CNTN4: variants seen among roughly 807,000 people sequenced by gnomAD.
The protein encoded by CNTN4 is contactin-4.
Under a neutral mutation model 122.5 loss-of-function variants are expected in CNTN4, and 77 were observed. The observed-to-expected ratio is 0.63, with a 90% CI of 0.52 to 0.76. The LOEUF is 0.76. Among genes scored for constraint, CNTN4 ranks in the 30% least tolerant of loss-of-function variants. The pLI is 0.00. For missense variants in CNTN4, 1,256 were observed against 1,259.1 expected (o/e 1.00, Z 0.04); for synonymous variants, 512 against 447.0 (o/e 1.15, Z -1.83).
intron 3 of CNTN4, among the ~76,000 whole-genome samples, chr3:2,493,222 T>A (rs2076365788): frequency 1.3e-5 from 2 of 152,118 alleles, no homozygotes; most frequent in Admixed American, 6.5e-5. Flanking sequence ...ATAACTTCTT[T>A]CTTATTCCTT....
At chr3:2,185,041 T>A (rs891326523) in intron 2 of CNTN4, among the ~76,000 whole-genome samples, 6 of 152,210 alleles carry the variant, frequency 3.9e-5, no homozygotes, top group Non-Finnish European at 8.8e-5. Flanking sequence ...GGATTCCTCA[T>A]TGTGCAACTG....
At chr3:2,623,313 A>G (rs1313856192) in intron 4 of CNTN4, among the ~76,000 whole-genome samples, 1 of 142,404 alleles carries the variant, frequency 7.0e-6, no homozygotes, top group East Asian at 2.1e-4. Flanking sequence ...TGGTCCATAT[A>G]TTTTTGTCAT....
rs1276234666 is a variant in CNTN4, at chr3:3,040,220, A to C, written c.2347A>C (p.Lys783Gln). 1.2e-6 allele frequency: 2 copies of C among 1,614,112 alleles called. No individual in the cohort carries two copies. Among genetic ancestry groups the C allele is most frequent in the Non-Finnish European group, 1.7e-6 (2 of 1,180,026 alleles). Residue 783 changes from lysine to glutamine, a missense_variant, in exon 20 of 25, where the codon AAA (lysine) becomes CAA (glutamine). Transcript: ENST00000418658. The stretch of plus-strand genomic sequence containing the variant: ...GGTTAAAGTAGGTGTCTTCAACAAC[A>C]AAGGAGAAGGCCCTTTCAGTCCCAC... ...FEVKVGVFNN[K>Q]GEGPFSPTTV...
intron 6 of CNTN4, among the ~76,000 whole-genome samples, chr3:2,804,255 T>C (rs771072022): frequency 6.6e-6 from 1 of 152,152 alleles, no homozygotes; most frequent in Non-Finnish European, 1.5e-5. Flanking sequence ...TTAGTATTCT[T>C]GTAACTCTGC....
At chr3:2,195,151 C>T (rs978551891) in intron 2 of CNTN4, among the ~76,000 whole-genome samples, 1 of 152,116 alleles carries the variant, frequency 6.6e-6, no homozygotes, top group Non-Finnish European at 1.5e-5. Context: ...TTAGATTCCA[C>T]GTGTAAGTGA....
intron 3 of CNTN4, among the ~76,000 whole-genome samples, chr3:2,353,976 ATATT>A (rs2044759841): frequency 6.6e-6 from 1 of 152,240 alleles, no homozygotes; most frequent in African/African-American, 2.4e-5. Context: ...GACAGCTTAT[ATATT>A]TAGAGCACAT....
intron 4 of CNTN4, among the ~76,000 whole-genome samples, chr3:2,682,610 G>A (rs1417293938): frequency 1.3e-5 from 2 of 152,094 alleles, no homozygotes; most frequent in African/African-American, 2.4e-5. Flanking sequence ...GAAGCAAAGT[G>A]TATAAAGTAT....
intron 3 of CNTN4, among the ~76,000 whole-genome samples, chr3:2,535,055 C>T (rs1405656603): frequency 6.6e-6 from 1 of 152,168 alleles, no homozygotes; most frequent in Non-Finnish European, 1.5e-5. Flanking sequence ...CTGGGCATAG[C>T]TTATGTCCCA....
chr3:3,006,128 G>A lies in CNTN4; in HGVS notation c.1486+17656G>A, dbSNP rs150717588. Among the ~76,000 whole-genome samples the A allele has an allele frequency of 8.6e-3, 1,309 of 151,956 alleles. 13 individuals carry two copies. Among genetic ancestry groups the A allele is most frequent in the African/African-American group, 0.026 (1,097 of 41,418 alleles). On this transcript the variant is annotated intron_variant, in intron 14 of 24. Transcript: ENST00000418658. ...CCTGACCTTGTGATCCGCCCGCCTC[G>A]GCCTCCCAAGGTGCTGGGATTACAG...
intron 2 of CNTN4, among the ~76,000 whole-genome samples, chr3:2,227,527 A>T (rs555138864): frequency 6.6e-6 from 1 of 152,282 alleles, no homozygotes; most frequent in East Asian, 1.9e-4. Flanking sequence ...CGACTAAATT[A>T]TTATGCCTTG....
chr3:2,159,386 T>C (rs1054238546), intron 2 of CNTN4, among the ~76,000 whole-genome samples: 1 of 152,206 alleles, frequency 6.6e-6, no homozygotes, highest in African/African-American at 2.4e-5. Context: ...GCATAAATTA[T>C]CTACTTACTC....
intron 13 of CNTN4, among the ~76,000 whole-genome samples, chr3:2,946,704 CTTTTTT>C (rs55883455): frequency 4.2e-5 from 5 of 119,388 alleles, no homozygotes; most frequent in South Asian, 5.3e-4. Flanking sequence ...TTTTTTTTTT[CTTTTTT>C]TTTTTTTTTT....
At chr3:3,042,884 C>T in intron 21 of CNTN4, 93 bp from the exon 22 acceptor site, 1 of 992,388 alleles carries the variant, frequency 1.0e-6, no homozygotes, top group Non-Finnish European at 1.6e-6. Context: ...AAAACTAACT[C>T]CATCATAAGA....
At chr3:2,573,892 A>G (rs1282627964) in intron 4 of CNTN4, among the ~76,000 whole-genome samples, 1 of 152,182 alleles carries the variant, frequency 6.6e-6, no homozygotes, top group Non-Finnish European at 1.5e-5. Flanking sequence ...ATTAATTTAC[A>G]TAGCACTCCA....
At chr3:2,600,008 CTTTT>C (rs71058630) in intron 4 of CNTN4, among the ~76,000 whole-genome samples, 1 of 41,746 alleles carries the variant, frequency 2.4e-5, no homozygotes, top group African/African-American at 1.2e-4. Flanking sequence ...TGGAATTCTT[CTTTT>C]TTTTTTTTTT....
At chr3:2,630,686 T>C (rs956892256) in intron 4 of CNTN4, among the ~76,000 whole-genome samples, 5 of 148,030 alleles carry the variant, frequency 3.4e-5, no homozygotes, top group Non-Finnish European at 5.9e-5. Flanking sequence ...TATATCCCTA[T>C]CTGTTTATTA....
chr3:2,640,401 G>A (rs1380560973), intron 4 of CNTN4, among the ~76,000 whole-genome samples: 1 of 152,174 alleles, frequency 6.6e-6, no homozygotes. Context: ...ACCAAAAGCA[G>A]ACACACAGTT....
intron 2 of CNTN4, among the ~76,000 whole-genome samples, chr3:2,296,337 A>G (rs1478025154): frequency 6.6e-6 from 1 of 152,060 alleles, no homozygotes; most frequent in Non-Finnish European, 1.5e-5. Context: ...ATTTGTTTGT[A>G]TCTCTTTTAT....
intron 2 of CNTN4, among the ~76,000 whole-genome samples, chr3:2,185,548 C>G (rs1210265358): frequency 6.6e-6 from 1 of 152,060 alleles, no homozygotes; most frequent in Non-Finnish European, 1.5e-5. Context: ...GCCATATCCC[C>G]ACAGTGTATG....
Sources: gnomAD v4.1 joint callset for allele counts (sites outside exome capture counted in the v4.1 genomes callset) on GRCh38, gnomAD v4.1.1 for gene constraint, MANE v1.5 for transcripts, NCBI Gene and HGNC (gene_info 2026-07-23, HGNC 2026-07-21) for gene names.